Variants in NAV2 observed in about 807,000 individuals in gnomAD.
NAV2 encodes the protein helicase, APC down-regulated 1.
A neutral mutation model predicts 223.2 loss-of-function variants in NAV2; 54 were observed. That is an observed-to-expected ratio of 0.24 (90% confidence interval 0.19 to 0.30). The LOEUF (loss-of-function observed/expected upper bound fraction) is 0.30, where lower values mean the gene tolerates loss of function less well. NAV2 is among the 10% of genes least tolerant of loss of function. NAV2 has a pLI of 1.00. For missense variants in NAV2, 2,806 were observed against 3,147.5 expected (o/e 0.89, Z 2.60); for synonymous variants, 1,279 against 1,239.3 (o/e 1.03, Z -0.67).
intron 1 of NAV2, among the ~76,000 whole-genome samples, chr11:19,601,857 A>G (rs2135247769): frequency 6.6e-6 from 1 of 152,354 alleles, no homozygotes; most frequent in South Asian, 2.1e-4. Context: ...TTAGAAACAA[A>G]GAGCAGGAAC....
At chr11:19,916,537 A>G (rs2043822871) in intron 6 of NAV2, among the ~76,000 whole-genome samples, 1 of 152,216 alleles carries the variant, frequency 6.6e-6, no homozygotes, top group Non-Finnish European at 1.5e-5. Context: ...TGTTAAATTG[A>G]TCTAATCGTG....
intron 1 of NAV2, among the ~76,000 whole-genome samples, chr11:19,430,097 G>A (rs1212810955): frequency 1.3e-5 from 2 of 152,212 alleles, no homozygotes; most frequent in Non-Finnish European, 2.9e-5. Flanking sequence ...GACCCTGGCT[G>A]TCCTTTCACT....
chr11:19,762,495 T>C (rs962863639), intron 1 of NAV2, among the ~76,000 whole-genome samples: 2 of 152,228 alleles, frequency 1.3e-5, no homozygotes, highest in Non-Finnish European at 2.9e-5. Context: ...GTATTAGTTC[T>C]GGCCTCAGGG....
intron 1 of NAV2, among the ~76,000 whole-genome samples, chr11:19,527,871 C>A (rs1267233188): frequency 1.3e-5 from 2 of 151,738 alleles, no homozygotes; most frequent in Non-Finnish European, 2.9e-5. Flanking sequence ...ATTCTACAGA[C>A]CTCCCTGCCA....
Position 19,564,483 on chromosome 11 carries a change from C to T in NAV2, c.75+213456C>T, listed in dbSNP as rs1415040862. Among the ~76,000 whole-genome samples the T allele has an allele frequency of 4.6e-5, 7 of 152,326 alleles. No individual in the cohort carries two copies. The East Asian group carries it at 9.7e-4, about 21-fold the overall frequency. On this transcript the variant is annotated intron_variant, in intron 1 of 37. Transcript: ENST00000360655. ...ACCACCCAGTCGGGCTCTGGCAGGCCCTCGGCAGAGTGCTGGCTGCCGGGC... is the reference window on the plus strand; with the variant it reads ...ACCACCCAGTCGGGCTCTGGCAGGCTCTCGGCAGAGTGCTGGCTGCCGGGC...
intron 1 of NAV2, among the ~76,000 whole-genome samples, chr11:19,523,367 A>T (rs1468691766): frequency 6.6e-6 from 1 of 150,834 alleles, no homozygotes; most frequent in African/African-American, 2.5e-5. Flanking sequence ...GGAACAGTGC[A>T]TCCCTCCTGT....
chr11:19,474,679 AG>A (rs2042064313), intron 1 of NAV2, among the ~76,000 whole-genome samples: 1 of 152,244 alleles, frequency 6.6e-6, no homozygotes, highest in Admixed American at 6.5e-5. Context: ...TTATTTGCAC[AG>A]TTAAAAAATC....
At position 20,084,750 on chromosome 11, in the gene NAV2, A is replaced by G. The variant is rs2060311635; in HGVS notation, c.5498+1571A>G. On this transcript the variant is annotated intron_variant, in intron 26 of 37. Coordinates refer to ENST00000349880, the MANE Select transcript of NAV2 (RefSeq NM_145117.5). ...GTTGCCTGTGACTCTCACACATGCC[A>G]TCATCCCAAAGCATCCCAACTCAGT... 2.6e-5 allele frequency among the ~76,000 whole-genome samples: 4 copies of G among 152,298 alleles called. No individual in the cohort carries two copies. In the South Asian group the frequency reaches 6.2e-4, roughly 24 times the overall value.
At chr11:19,421,937 G>T (rs1850631986) in intron 1 of NAV2, among the ~76,000 whole-genome samples, 1 of 152,150 alleles carries the variant, frequency 6.6e-6, no homozygotes, top group African/African-American at 2.4e-5. Flanking sequence ...TTTTCTTGCT[G>T]TGTGACACTG....
intron 1 of NAV2, among the ~76,000 whole-genome samples, chr11:19,825,581 G>A (rs191535948): frequency 6.6e-6 from 1 of 152,264 alleles, no homozygotes; most frequent in East Asian, 1.9e-4. Flanking sequence ...TTATAGTTTG[G>A]TAGCTAAGGC....
At chr11:19,907,097 G>T (rs555215493) in intron 6 of NAV2, among the ~76,000 whole-genome samples, 2 of 102,872 alleles carry the variant, frequency 1.9e-5, no homozygotes, top group African/African-American at 3.5e-5. Context: ...GTTATTGTAC[G>T]GTTTCCGTGA....
At chr11:20,044,418 T>G in intron 13 of NAV2, 146 bp downstream of exon 13, 1 of 731,426 alleles carries the variant, frequency 1.4e-6, no homozygotes, top group Non-Finnish European at 2.2e-6. Flanking sequence ...TTCACATCCC[T>G]ACCTTTTTCT....
intron 1 of NAV2, among the ~76,000 whole-genome samples, chr11:19,821,412 G>T (rs151324813): frequency 2.0e-5 from 3 of 152,064 alleles, no homozygotes; most frequent in East Asian, 3.9e-4. Context: ...TTTTTTAAAG[G>T]CATAGTTTCA....
rs67561376 is a variant in NAV2, at chr11:19,527,937, G to GACACACACACACACAC, written c.75+176930_75+176945dup. On this transcript the variant is annotated intron_variant, in intron 1 of 37. Transcript: ENST00000360655. ...TCACAAGGAGATAGCTCCCTGCCCT[G>GACACACACACACACAC]ACACACACACACACACACACACACA... 2.7e-3 allele frequency among the ~76,000 whole-genome samples: 390 copies of GACACACACACACACAC among 143,308 alleles called. 6 individuals carry two copies. Among genetic ancestry groups the GACACACACACACACAC allele is most frequent in the African/African-American group, 9.8e-3 (364 of 37,072 alleles). The allele number at this position is 143,308 out of a possible 152,430, so 94.0% of individuals were successfully genotyped here.
rs184888669 is a variant in NAV2, at chr11:19,641,954, G to A, written c.76-190530G>A. Reference sequence around the variant, plus strand: ...TCTACCTAAAATTCAAGCTTCCTAAGGGCAGAGACTTTATTTTGTTCACAC... The same window carrying A: ...TCTACCTAAAATTCAAGCTTCCTAAAGGCAGAGACTTTATTTTGTTCACAC... On this transcript the variant is annotated intron_variant, in intron 1 of 37. Coordinates refer to the NAV2 transcript ENST00000360655. 1.0e-3 allele frequency among the ~76,000 whole-genome samples: 155 copies of A among 152,218 alleles called. 1 individual carries two copies. Among genetic ancestry groups the A allele is most frequent in the African/African-American group, 3.6e-3 (148 of 41,534 alleles).
intron 1 of NAV2, among the ~76,000 whole-genome samples, chr11:19,459,726 G>T (rs970176744): frequency 6.6e-6 from 1 of 152,204 alleles, no homozygotes. Flanking sequence ...GTCTACTTGT[G>T]CTAGAAAAGA....
intron 1 of NAV2, among the ~76,000 whole-genome samples, chr11:19,476,048 C>A (rs973773272): frequency 6.6e-6 from 1 of 152,172 alleles, no homozygotes; most frequent in South Asian, 2.1e-4. Flanking sequence ...GATCTTGGCT[C>A]ACTGTAACCT....
At chr11:19,387,044 T>C (rs1241576760) in intron 1 of NAV2, among the ~76,000 whole-genome samples, 1 of 152,210 alleles carries the variant, frequency 6.6e-6, no homozygotes, top group Non-Finnish European at 1.5e-5. Context: ...CCTTTTTTTG[T>C]TCCATTTCAA....
intron 1 of NAV2, among the ~76,000 whole-genome samples, chr11:19,673,177 C>G (rs879702610): frequency 6.6e-6 from 1 of 152,206 alleles, no homozygotes. Flanking sequence ...AATTTCCACA[C>G]GCAACCCTGT....
Sources: allele counts gnomAD v4.1 joint callset (sites outside exome capture counted in the v4.1 genomes callset), GRCh38; gene constraint gnomAD v4.1.1; transcripts MANE v1.5; gene names NCBI Gene and HGNC (gene_info 2026-07-23, HGNC 2026-07-21).